Variants in FAM20C observed in about 807,000 individuals in gnomAD.
FAM20C encodes the protein extracellular serine/threonine protein kinase FAM20C.
FAM20C carries 40 observed loss-of-function variants against 51.5 expected under a neutral mutation model. That is an observed-to-expected ratio of 0.78 (90% confidence interval 0.60 to 1.01). The LOEUF (loss-of-function observed/expected upper bound fraction) is 1.01, where lower values mean the gene tolerates loss of function less well. Among genes scored for constraint, FAM20C ranks in the 50% least tolerant of loss-of-function variants. FAM20C has a pLI of 0.00. For synonymous variants in FAM20C, 406 were observed against 380.6 expected (o/e 1.07, Z -0.78); for missense variants, 861 against 844.7 (o/e 1.02, Z -0.24).
At chr7:258,265 T>TG (rs1788710713) in intron 8 of FAM20C, among the ~76,000 whole-genome samples, 3 of 124,940 alleles carry the variant, frequency 2.4e-5, no homozygotes, top group African/African-American at 1.1e-4. Flanking sequence ...GTGCTGGAGA[T>TG]AGGCAGGGTG....
intron 8 of FAM20C, chr7:257,456 C>T (rs1023228915): frequency 4.1e-5 from 9 of 219,064 alleles, no homozygotes; most frequent in South Asian, 1.8e-4. Flanking sequence ...GCGGCCTCTG[C>T]GGCCGCTGCT....
chr7:215,290 CCG>C (rs1212680284), intron 3 of FAM20C, among the ~76,000 whole-genome samples: 46 of 41,602 alleles, frequency 1.1e-3, no homozygotes, highest in South Asian at 2.4e-3. Context: ...GGAGCAGGGC[CCG>C]TGGTGTATGG....
At chr7:205,316 C>T (rs113615906) in intron 2 of FAM20C, among the ~76,000 whole-genome samples, 10,731 of 117,004 alleles carry the variant, frequency 0.092, 1,116 homozygotes, top group African/African-American at 0.23. Flanking sequence ...GACGTCAGCC[C>T]CCCGAGTAGC....
intron 7 of FAM20C, 82 bp from the exon 8 acceptor site, chr7:256,923 G>C (rs559698121): frequency 6.8e-7 from 1 of 1,467,944 alleles, no homozygotes; most frequent in Non-Finnish European, 9.2e-7. Context: ...AGGAGGAGAC[G>C]CCGCTCTGCA....
At chr7:233,839 G>A (rs1028556764) in intron 3 of FAM20C, among the ~76,000 whole-genome samples, 4 of 152,196 alleles carry the variant, frequency 2.6e-5, no homozygotes, top group South Asian at 2.1e-4. Flanking sequence ...CAGCTCAGTC[G>A]TCATTCCTAC....
intron 3 of FAM20C, among the ~76,000 whole-genome samples, chr7:211,020 CTG>C (rs1562372006): frequency 6.6e-6 from 1 of 152,030 alleles, no homozygotes; most frequent in African/African-American, 2.4e-5. Flanking sequence ...GACGAGAGAA[CTG>C]GGGTTTAGAG....
chr7:204,510 C>T (rs1023629422), intron 2 of FAM20C, among the ~76,000 whole-genome samples: 11 of 152,146 alleles, frequency 7.2e-5, no homozygotes, highest in African/African-American at 1.7e-4. Context: ...GGAATGGGCA[C>T]GTGACCCGGG....
At chr7:256,596 C>A in intron 6 of FAM20C, 58 bp from the exon 7 acceptor site, 1 of 1,386,416 alleles carries the variant, frequency 7.2e-7, no homozygotes, top group Non-Finnish European at 9.9e-7. Flanking sequence ...CCTCATGGCA[C>A]GCGCCGGGCT....
intron 3 of FAM20C, among the ~76,000 whole-genome samples, chr7:223,803 T>A (rs1417251710): frequency 2.0e-5 from 3 of 152,168 alleles, no homozygotes; most frequent in African/African-American, 7.2e-5. Context: ...AGAAGAAAAA[T>A]GAACTTTTTT....
chr7:250,732 G>A (rs886182707), intron 5 of FAM20C, among the ~76,000 whole-genome samples: 6 of 152,234 alleles, frequency 3.9e-5, no homozygotes, highest in African/African-American at 7.2e-5. Context: ...ACTGCAGCCC[G>A]CCATGCACAC....
At chr7:225,725 A>ACAACCTGGGTTTCACTGAGT (rs1787414879) in intron 3 of FAM20C, among the ~76,000 whole-genome samples, 1 of 3,216 alleles carries the variant, frequency 3.1e-4, no homozygotes, top group African/African-American at 1.2e-3. Flanking sequence ...ATTGCGCAGA[A>ACAACCTGGGTTTCACTGAGT]TGGCACCGTC....
At chr7:230,059 C>T (rs1390934772) in intron 3 of FAM20C, among the ~76,000 whole-genome samples, 5 of 152,120 alleles carry the variant, frequency 3.3e-5, no homozygotes, top group Non-Finnish European at 7.3e-5. Context: ...TCTCGGGCCC[C>T]GGCCGTGGAA....
In FAM20C at chr7:236,720, C is replaced by A. The variant is rs975054269; in HGVS notation, c.864-9695C>A. Among the ~76,000 whole-genome samples the A allele has an allele frequency of 6.0e-3, 894 of 149,788 alleles. 55 individuals carry two copies. Among genetic ancestry groups the A allele is most frequent in the African/African-American group, 0.021 (842 of 40,268 alleles). Reference sequence around the variant, plus strand: ...GTCGGGGTTTCATGCGGAGGTGAGGCGGGTGCCCTGGAATCTGGGGTCCCG... The same window carrying A: ...GTCGGGGTTTCATGCGGAGGTGAGGAGGGTGCCCTGGAATCTGGGGTCCCG... On this transcript the variant is annotated intron_variant, in intron 3 of 9. Coordinates refer to ENST00000313766, the MANE Select transcript of FAM20C (RefSeq NM_020223.4).
At chr7:254,218 G>A (rs910236014) in intron 5 of FAM20C, among the ~76,000 whole-genome samples, 1 of 152,202 alleles carries the variant, frequency 6.6e-6, no homozygotes, top group African/African-American at 2.4e-5. Flanking sequence ...AGAAAGGGCA[G>A]CCGGGACCGG....
At position 229,331 on chromosome 7, in the gene FAM20C, G is replaced by A. The variant is rs116987532; in HGVS notation, c.864-17084G>A. On this transcript the variant is annotated intron_variant, in intron 3 of 9. Transcript: ENST00000313766. The stretch of plus-strand genomic sequence containing the variant: ...ATAATTCCGCACATCGCCGCCCTCC[G>A]GTCCTTCCTGGGCCCTGTGCCATTC... The A allele has an allele frequency of 5.0e-3, 935 of 185,828 alleles. 7 individuals are homozygous for A. Among genetic ancestry groups the A allele is most frequent in the Non-Finnish European group, 8.4e-3 (730 of 86,990 alleles). 11.5% of individuals were successfully genotyped at this position (185,828 alleles called of 1,614,324 possible).
chr7:257,156 G>A (rs374603721), intron 8 of FAM20C, 70 bp downstream of exon 8: 7 of 1,414,050 alleles, frequency 5.0e-6, no homozygotes, highest in South Asian at 3.7e-5. Context: ...CAGCCCACCT[G>A]AGACCCTGGG....
chr7:222,547 C>T (rs1787273059), intron 3 of FAM20C, among the ~76,000 whole-genome samples: 1 of 152,146 alleles, frequency 6.6e-6, no homozygotes, highest in African/African-American at 2.4e-5. Flanking sequence ...GGCCCTGCCC[C>T]TCCTGGGGGC....
intron 3 of FAM20C, among the ~76,000 whole-genome samples, chr7:214,197 T>TC (rs1583297675): frequency 6.6e-6 from 1 of 152,008 alleles, no homozygotes; most frequent in Non-Finnish European, 1.5e-5. Context: ...TGGTGATGCA[T>TC]GCCTGTAATC....
intron 3 of FAM20C, among the ~76,000 whole-genome samples, chr7:212,294 C>G (rs1786760182): frequency 6.6e-6 from 1 of 152,168 alleles, no homozygotes; most frequent in Non-Finnish European, 1.5e-5. Context: ...GAAACCCCAT[C>G]TCTACTAAAA....
Sources: allele counts gnomAD v4.1 joint callset (sites outside exome capture counted in the v4.1 genomes callset), GRCh38; gene constraint gnomAD v4.1.1; transcripts MANE v1.5; gene names NCBI Gene and HGNC (gene_info 2026-07-23, HGNC 2026-07-21).